The following INTS8 variants were observed in gnomAD, a reference collection of about 807,000 sequenced individuals.
INTS8 encodes the protein protein kaonashi-1.
In INTS8, 47 loss-of-function variants were observed where a neutral mutation model predicts 138.9. That is an observed-to-expected ratio of 0.34 (90% CI 0.27 to 0.43). INTS8 has a LOEUF of 0.43. Among genes scored for constraint, INTS8 ranks in the 20% least tolerant of loss-of-function variants. INTS8 has a pLI of 1.00. For missense variants in INTS8, 996 were observed against 1,173.0 expected, an observed-to-expected ratio of 0.85 and a Z score of 2.20; for synonymous variants, 392 against 400.9, an observed-to-expected ratio of 0.98 and a Z score of 0.27.
At position 94,824,062 on chromosome 8, in the gene INTS8, AAG is replaced by A. The variant is rs571525607; in HGVS notation, c.130+503_130+504del. On this transcript the variant is annotated intron_variant, in intron 1 of 26. Coordinates refer to ENST00000523731, the MANE Select transcript of INTS8 (RefSeq NM_017864.4). ...ATTCCAAAGTTGGGCTGTAAGTTAA[AAG>A]AAAATCTTTGAAAGTAGGAACTGCT... Among the ~76,000 whole-genome samples the A allele has an allele frequency of 7.2e-5, 11 of 152,350 alleles. 1 individual carries two copies. The South Asian group carries it at 2.3e-3, about 32-fold the overall frequency.
Position 94,825,032 on chromosome 8 carries a change from A to C in INTS8, c.270A>C (p.Ala90=). 1 of 1,611,804 alleles carries C rather than the reference A, an allele frequency of 6.2e-7. No individual in the cohort carries two copies. The highest frequency in any genetic ancestry group is 8.5e-7 in the Non-Finnish European group (1 of 1,178,316). ...ILKLLALKVA[A]HLKWDLDILE... is the part of the protein sequence containing the mutation. ...AACTACTTGCTCTTAAAGTTGCTGC[A>C]CATTTGAAGTGGGACTTAGACATAT... Residue 90 remains alanine (A), a synonymous_variant, in exon 2 of 27, where the codon GCA becomes GCC. Transcript: ENST00000523731.
chr8:94,874,825 G>GA (rs1486865912), intron 23 of INTS8, among the ~76,000 whole-genome samples: 4 of 151,926 alleles, frequency 2.6e-5, no homozygotes, highest in Non-Finnish European at 5.9e-5. Context: ...TCCTAAGTGG[G>GA]AAAAAAGCAT....
chr8:94,826,499 A>T (rs79144246), intron 2 of INTS8, among the ~76,000 whole-genome samples: 2,363 of 152,316 alleles, frequency 0.016, 62 homozygotes, highest in African/African-American at 0.054. Flanking sequence ...AGACATCAAC[A>T]GATAGCAATG....
chr8:94,877,413 T>C (rs920756812), intron 26 of INTS8, among the ~76,000 whole-genome samples: 66 of 152,240 alleles, frequency 4.3e-4, no homozygotes, highest in African/African-American at 1.5e-3. Flanking sequence ...GGAAAAAGAA[T>C]GTGAAGGCCA....
At chr8:94,853,289 G>A (rs1815619036) in intron 13 of INTS8, among the ~76,000 whole-genome samples, 3 of 152,124 alleles carry the variant, frequency 2.0e-5, no homozygotes. Context: ...TCCAGCCTGG[G>A]TGACGGAGCG....
Position 94,866,643 on chromosome 8 carries a change from T to G in INTS8, c.2295+452T>G, listed in dbSNP as rs550234471. The G allele has an allele frequency of 2.9e-5, 5 of 172,682 alleles. No individual in the cohort carries two copies. In the South Asian group the frequency reaches 4.2e-4, roughly 15 times the overall value. 10.7% of individuals were successfully genotyped at this position (172,682 alleles called of 1,614,324 possible). On this transcript the variant is annotated intron_variant, in intron 18 of 26. Coordinates refer to ENST00000523731, the MANE Select transcript of INTS8 (RefSeq NM_017864.4). ...GCTTTTCTTCAGTGATCATTATTGG[T>G]GGGTGGGATATTCTGACTGGAAAAG... is the stretch of plus-strand genomic sequence containing the variant.
intron 4 of INTS8, among the ~76,000 whole-genome samples, chr8:94,828,459 T>A (rs540303387): frequency 3.9e-5 from 6 of 152,370 alleles, no homozygotes; most frequent in South Asian, 2.1e-4. Flanking sequence ...TTTCTTTTTT[T>A]AAATTTTTTA....
chr8:94,877,232 C>T (rs1816594375), intron 26 of INTS8, among the ~76,000 whole-genome samples: 1 of 152,130 alleles, frequency 6.6e-6, no homozygotes, highest in African/African-American at 2.4e-5. Context: ...GCCATATTTA[C>T]TTGTCTAACA....
At chr8:94,825,946 G>A (rs1814483930) in intron 2 of INTS8, among the ~76,000 whole-genome samples, 2 of 151,898 alleles carry the variant, frequency 1.3e-5, no homozygotes. Flanking sequence ...GCTGTATCAT[G>A]AGCATTTCCC....
At chr8:94,874,664 T>G in intron 23 of INTS8, 62 bp downstream of exon 23, 1 of 947,932 alleles carries the variant, frequency 1.1e-6, no homozygotes, top group Admixed American at 2.1e-5. Flanking sequence ...ATAATAAATA[T>G]AAAGCATTGA....
intron 18 of INTS8, 80 bp from the exon 19 acceptor site, chr8:94,867,060 G>A (rs1816203540): frequency 1.9e-6 from 2 of 1,054,860 alleles, no homozygotes; most frequent in Non-Finnish European, 2.8e-6. Context: ...TAGAATGCTT[G>A]ATGTCTGTGA....
chr8:94,848,013 C>CTTTTTTTTTTTTTT lies in INTS8; in HGVS notation c.1261-1436_1261-1435insTTTTTTTTTTTTTT, dbSNP rs58388097. Among the ~76,000 whole-genome samples the CTTTTTTTTTTTTTT allele has an allele frequency of 6.9e-4, 90 of 130,002 alleles. 5 individuals carry two copies. Among genetic ancestry groups the CTTTTTTTTTTTTTT allele is most frequent in the African/African-American group, 2.3e-3 (78 of 34,600 alleles). The allele number at this position is 130,002 out of a possible 152,430, so 85.3% of individuals were successfully genotyped here. A position where few individuals can be genotyped will look rare whatever the true frequency, so the allele number is the denominator to read the frequency against. ...TGAACATAGCACTTTTAAAACACTG[C>CTTTTTTTTTTTTTT]TTTTTTTTTTTTTGAGATGGAGTCT... On this transcript the variant is annotated intron_variant, in intron 10 of 26. Transcript: ENST00000523731.
At position 94,873,378 on chromosome 8, in the gene INTS8, G is replaced by A. The variant is rs142274581; in HGVS notation, c.2538G>A (p.Thr846=). 1.8e-4 allele frequency: 287 copies of A among 1,611,232 alleles called. 1 individual carries two copies. The African/African-American group carries it at 2.6e-3, about 15-fold the overall frequency. ...ATGTCTGTTTTTCTGTTTCAGCAACGAATCAGTATTCAGCAGCTCTTCACT... is the reference window on the plus strand; with the variant it reads ...ATGTCTGTTTTTCTGTTTCAGCAACAAATCAGTATTCAGCAGCTCTTCACT... ...LIIQADIYFA[T]NQYSAALHYY... Residue 846 remains threonine, a synonymous_variant, in exon 22 of 27, where the codon ACG becomes ACA. Transcript: ENST00000523731.
At chr8:94,836,671 T>C in intron 7 of INTS8, 40 bp downstream of exon 7, 3 of 1,221,006 alleles carry the variant, frequency 2.5e-6, no homozygotes, top group Non-Finnish European at 3.6e-6. Flanking sequence ...TTCAGTTCTT[T>C]AAAACATCTA....
chr8:94,831,817 CTT>C (rs901232363), intron 5 of INTS8, among the ~76,000 whole-genome samples, 173 bp from the exon 6 acceptor site: 5 of 152,132 alleles, frequency 3.3e-5, no homozygotes, highest in Non-Finnish European at 1.5e-5. Flanking sequence ...ACAATAGGAA[CTT>C]ATTTCCCTTC....
chr8:94,878,220 T>G (rs1816633735), intron 26 of INTS8, among the ~76,000 whole-genome samples: 1 of 152,156 alleles, frequency 6.6e-6, no homozygotes, highest in African/African-American at 2.4e-5. Context: ...CCGTCAGCTT[T>G]TTTGTTTTAC....
chr8:94,881,422 T>C lies in INTS8; in HGVS notation c.*1188T>C, dbSNP rs1251795965. The C allele has an allele frequency of 1.8e-6, 1 of 547,162 alleles. No individual in the cohort carries two copies. The highest frequency in any genetic ancestry group is 3.2e-6 in the Non-Finnish European group (1 of 313,746). 33.9% of individuals were successfully genotyped at this position (547,162 alleles called of 1,614,324 possible). A position where few individuals can be genotyped will look rare whatever the true frequency, so the allele number is the denominator to read the frequency against. ...GAATGAAGACATCTTTGTAAACAAG[T>C]CCTGCTGTTTCTTTAACAGCTAACA... is the stretch of plus-strand genomic sequence containing the variant. On this transcript the variant is annotated 3_prime_UTR_variant, in exon 27 of 27. Transcript: ENST00000523731.
intron 13 of INTS8, among the ~76,000 whole-genome samples, chr8:94,851,905 G>T (rs1023873156): frequency 6.6e-6 from 1 of 152,160 alleles, no homozygotes; most frequent in Admixed American, 6.6e-5. Context: ...ATCTAAAAAT[G>T]AGTTTTTCCA....
chr8:94,838,346 AG>A, intron 7 of INTS8, 116 bp from the exon 8 acceptor site: 1 of 808,954 alleles, frequency 1.2e-6, no homozygotes, highest in Admixed American at 2.4e-5. Context: ...CGCTGTGCCC[AG>A]CCCGGCTTGA....
Sources: allele counts gnomAD v4.1 joint callset (sites outside exome capture counted in the v4.1 genomes callset), GRCh38; gene constraint gnomAD v4.1.1; transcripts MANE v1.5; gene names NCBI Gene and HGNC (gene_info 2026-07-23, HGNC 2026-07-21).